MEI4: variants seen among roughly 807,000 people sequenced by gnomAD.
MEI4 encodes meiotic double-stranded break formation protein 4.
Under a neutral mutation model 31.4 loss-of-function variants are expected in MEI4, and 27 were observed. The observed-to-expected ratio is 0.86, with a 90% CI of 0.63 to 1.19. The LOEUF (loss-of-function observed/expected upper bound fraction) is 1.19, where lower values mean the gene tolerates loss of function less well. MEI4 is among the 50% of genes most tolerant of loss of function. MEI4 has a pLI of 0.00. For synonymous variants in MEI4, 122 were observed against 145.4 expected, an observed-to-expected ratio of 0.84 and a Z score of 1.16; for missense variants, 329 against 398.9, an observed-to-expected ratio of 0.82 and a Z score of 1.49.
chr6:77,869,093 A>T (rs1225406061), intron 4 of MEI4, among the ~76,000 whole-genome samples: 1 of 152,114 alleles, frequency 6.6e-6, no homozygotes. Context: ...CCAGAGACTG[A>T]TTTAGGTGAT....
intron 4 of MEI4, among the ~76,000 whole-genome samples, chr6:77,883,745 A>ATATATATATATATATATCTATCTAT (rs55947073): frequency 4.9e-5 from 4 of 82,310 alleles, no homozygotes; most frequent in East Asian, 6.0e-4. Flanking sequence ...TATATATATA[A>ATATATATATATATATATCTATCTAT]CTTTGTCTTT....
At chr6:77,814,208 A>T (rs1450141024) in intron 3 of MEI4, among the ~76,000 whole-genome samples, 3 of 152,122 alleles carry the variant, frequency 2.0e-5, no homozygotes, top group Admixed American at 6.6e-5. Flanking sequence ...CTTATGCTGC[A>T]TGACTCTCAG....
intron 3 of MEI4, among the ~76,000 whole-genome samples, chr6:77,807,519 T>TA (rs34205219): frequency 6.6e-6 from 1 of 152,140 alleles, no homozygotes; most frequent in East Asian, 1.9e-4. Flanking sequence ...CCTTGCTCCT[T>TA]AAAAACATGA....
chr6:77,729,161 T>C (rs1766906143), intron 2 of MEI4, among the ~76,000 whole-genome samples: 1 of 151,844 alleles, frequency 6.6e-6, no homozygotes, highest in African/African-American at 2.4e-5. Flanking sequence ...AAGGTGAGAG[T>C]GGAGGTGGGA....
rs553131778 is a variant in MEI4 at position 77,747,793 on chromosome 6, C to G, written c.233-13337C>G. ...TACTAAAAAATTCACAGTCCAAAGT[C>G]TCATCTGAGACAAGGCAAGTCCCTT... On this transcript the variant is annotated intron_variant, in intron 2 of 4. Coordinates refer to ENST00000684080, the MANE Select transcript of MEI4 (RefSeq NM_001322247.2). Among the ~76,000 whole-genome samples, 17 of 152,308 alleles carry G rather than the reference C, an allele frequency of 1.1e-4. No individual in the cohort carries two copies. The South Asian group carries it at 3.3e-3, about 30-fold the overall frequency.
chr6:77,905,790 C>T (rs542546792), intron 4 of MEI4, among the ~76,000 whole-genome samples: 36 of 149,414 alleles, frequency 2.4e-4, no homozygotes, highest in Admixed American at 4.0e-4. Flanking sequence ...GCCACTGAGC[C>T]GGGCCAGCTT....
intron 4 of MEI4, among the ~76,000 whole-genome samples, chr6:77,905,181 G>A (rs1766266229): frequency 6.6e-6 from 1 of 151,914 alleles, no homozygotes. Flanking sequence ...TTGGCAGTTT[G>A]CTGTTGTTGT....
intron 2 of MEI4, among the ~76,000 whole-genome samples, chr6:77,709,007 G>A (rs919288958): frequency 6.6e-6 from 1 of 152,138 alleles, no homozygotes; most frequent in Non-Finnish European, 1.5e-5. Flanking sequence ...AATATTGACC[G>A]TGACCCTTAT....
intron 4 of MEI4, among the ~76,000 whole-genome samples, chr6:77,883,045 G>A (rs1011058002): frequency 4.6e-5 from 7 of 151,922 alleles, no homozygotes; most frequent in African/African-American, 1.7e-4. Flanking sequence ...ATATGTCCAG[G>A]TTCGTACAAG....
intron 4 of MEI4, among the ~76,000 whole-genome samples, chr6:77,913,911 G>A (rs1407016124): frequency 1.3e-5 from 2 of 151,346 alleles, no homozygotes; most frequent in Non-Finnish European, 2.9e-5. Flanking sequence ...GCGGGCACCT[G>A]TAGTCCCAGC....
rs1020046598 is a variant in MEI4 at position 77,767,225 on chromosome 6, C to A, written c.768+5560C>A. ...TGAAACCCCATCTCTACTAAAAATA[C>A]AAAAATTAGCTGGGCATGGTGGTGT... On this transcript the variant is annotated intron_variant, in intron 3 of 4. Coordinates refer to ENST00000684080, the MANE Select transcript of MEI4 (RefSeq NM_001322247.2). Among the ~76,000 whole-genome samples the A allele has an allele frequency of 4.0e-5, 6 of 151,788 alleles. No individual in the cohort carries two copies. In the South Asian group the frequency reaches 1.0e-3, roughly 26 times the overall value.
At chr6:77,659,254 T>C (rs1768456201) in intron 1 of MEI4, among the ~76,000 whole-genome samples, 1 of 152,038 alleles carries the variant, frequency 6.6e-6, no homozygotes, top group East Asian at 1.9e-4. Flanking sequence ...AACAGGGAGC[T>C]CTTCGGTCCC....
At chr6:77,681,402 C>T (rs752365087) in intron 1 of MEI4, among the ~76,000 whole-genome samples, 12 of 152,186 alleles carry the variant, frequency 7.9e-5, no homozygotes, top group African/African-American at 2.6e-4. Context: ...TGTAAAATAC[C>T]GGTGTAACCA....
chr6:77,816,091 ATC>A (rs1207679898), intron 3 of MEI4, among the ~76,000 whole-genome samples: 2 of 152,094 alleles, frequency 1.3e-5, no homozygotes, highest in South Asian at 2.1e-4. Flanking sequence ...TATTCAGGAA[ATC>A]TCTATCCTTA....
chr6:77,805,945 A>G (rs1377995902), intron 3 of MEI4, among the ~76,000 whole-genome samples: 1 of 152,142 alleles, frequency 6.6e-6, no homozygotes, highest in Non-Finnish European at 1.5e-5. Context: ...TAAAAATAGA[A>G]TCATAGCTCC....
chr6:77,671,706 A>G (rs1417744869), intron 1 of MEI4, among the ~76,000 whole-genome samples: 2 of 126,456 alleles, frequency 1.6e-5, no homozygotes, highest in African/African-American at 3.1e-5. Context: ...AAGTGGTCAT[A>G]GCCCAAGCTA....
intron 2 of MEI4, among the ~76,000 whole-genome samples, chr6:77,734,654 T>C (rs1017103772): frequency 3.9e-5 from 6 of 152,030 alleles, no homozygotes; most frequent in Non-Finnish European, 8.8e-5. Flanking sequence ...GTTAATATTA[T>C]TATGTGTGAA....
intron 1 of MEI4, among the ~76,000 whole-genome samples, chr6:77,664,066 A>G (rs1768571920): frequency 6.6e-6 from 1 of 152,122 alleles, no homozygotes; most frequent in Admixed American, 6.5e-5. Context: ...GGCCGTTGCG[A>G]TTCAGGCGTT....
intron 2 of MEI4, among the ~76,000 whole-genome samples, chr6:77,729,918 C>A (rs1278748007): frequency 6.6e-6 from 1 of 152,068 alleles, no homozygotes; most frequent in Non-Finnish European, 1.5e-5. Context: ...TGAATATCAA[C>A]CTGAGTTGCC....
Sources: allele counts gnomAD v4.1 joint callset (sites outside exome capture counted in the v4.1 genomes callset), GRCh38; gene constraint gnomAD v4.1.1; transcripts MANE v1.5; gene names NCBI Gene and HGNC (gene_info 2026-07-23, HGNC 2026-07-21).